KCNQ1OT1: variants seen among roughly 807,000 people sequenced by gnomAD.
The protein encoded by KCNQ1OT1 is KCNQ1 antisense RNA 2 (non-protein coding).
rs981929968 is a variant in KCNQ1OT1 at position 2,661,092 on chromosome 11, A to G, written n.38903T>C. The G allele has an allele frequency of 7.5e-6, 3 of 398,462 alleles. No homozygotes were observed. Among genetic ancestry groups the G allele is most frequent in the African/African-American group, 6.2e-5 (3 of 48,610 alleles). The allele number at this position is 398,462 out of a possible 1,614,324, so 24.7% of individuals were successfully genotyped here. A position where few individuals can be genotyped will look rare whatever the true frequency, so the allele number is the denominator to read the frequency against. Reference sequence around the variant, plus strand: ...CACAGTGACATCCCATGTGCATAAAAGCAACTCCCACCTGGCATCTGCTGC... The same window carrying G: ...CACAGTGACATCCCATGTGCATAAAGGCAACTCCCACCTGGCATCTGCTGC... On this transcript the variant is annotated non_coding_transcript_exon_variant, in exon 1 of 1. Transcript: ENST00000597346. This position sits in a 1 kb window ranked among gnomAD's most constrained non-coding sequence, Gnocchi z 5.9.
Position 2,661,139 on chromosome 11 carries a change from G to A in KCNQ1OT1, n.38856C>T. 1 of 398,600 alleles carries A rather than the reference G, an allele frequency of 2.5e-6. No individual in the cohort carries two copies. 24.7% of individuals were successfully genotyped at this position (398,600 alleles called of 1,614,324 possible). ...CTGCTCGGATGAGCAGAGAGGGTGG[G>A]CTAGGGATCTAGTTGGCAGTTAACA... On this transcript the variant is annotated non_coding_transcript_exon_variant, in exon 1 of 1. Transcript: ENST00000597346. This position sits in a 1 kb window ranked among gnomAD's most constrained non-coding sequence, Gnocchi z 5.9.
Position 2,668,687 on chromosome 11 carries a change from T to G in KCNQ1OT1, n.31308A>C, listed in dbSNP as rs552318142. 265 of 398,522 alleles carry G rather than the reference T, an allele frequency of 6.6e-4. 1 individual carries two copies. Among genetic ancestry groups the G allele is most frequent in the South Asian group, 4.2e-3 (33 of 7,858 alleles). The allele number at this position is 398,522 out of a possible 1,614,324, so 24.7% of individuals were successfully genotyped here. On this transcript the variant is annotated non_coding_transcript_exon_variant, in exon 1 of 1. Coordinates refer to ENST00000597346, the Ensembl canonical transcript of KCNQ1OT1. This position sits in a 1 kb window ranked among gnomAD's most constrained non-coding sequence, Gnocchi z 4.3. ...TGGAGTCATTTGTCAGAGAGAGAGATACACACACTCACACTCTCTCACAGA... is the reference window on the plus strand; with the variant it reads ...TGGAGTCATTTGTCAGAGAGAGAGAGACACACACTCACACTCTCTCACAGA...
exon 1 of KCNQ1OT1, chr11:2,630,720 C>A (rs888724016): frequency 2.5e-6 from 1 of 398,372 alleles, no homozygotes; most frequent in Non-Finnish European, 4.4e-6. Context: ...ATCATCCTTC[C>A]ATTTAAGCCT....
Position 2,611,352 on chromosome 11 carries a change from T to A in KCNQ1OT1, n.88643A>T. On this transcript the variant is annotated non_coding_transcript_exon_variant, in exon 1 of 1. Transcript: ENST00000597346. The surrounding 1 kb of genome is among the most constrained non-coding windows in gnomAD (Gnocchi z 5.3). ...CTCTTGCCTCAGCATCCCAAGTAGC[T>A]GGGACTACAGGCATTTGCCACCATA... 2.5e-6 allele frequency: 1 copy of A among 397,550 alleles called. No individual in the cohort carries two copies. Among genetic ancestry groups the A allele is most frequent in the Non-Finnish European group, 4.4e-6 (1 of 225,948 alleles). The allele number at this position is 397,550 out of a possible 1,614,324, so 24.6% of individuals were successfully genotyped here. A position where few individuals can be genotyped will look rare whatever the true frequency, so the allele number is the denominator to read the frequency against.
rs1850569566 is a variant in KCNQ1OT1, at chr11:2,690,441, G to A, written n.9554C>T. ...GGCTGGGGTCCTGGGAGCTAGAGCT[G>A]GGTTAAGATAAGAGCAGAGACTGGG... On this transcript the variant is annotated non_coding_transcript_exon_variant, in exon 1 of 1. Coordinates refer to ENST00000597346, the Ensembl canonical transcript of KCNQ1OT1. The surrounding 1 kb of genome is among the most constrained non-coding windows in gnomAD (Gnocchi z 5.1). 1 of 398,534 alleles carries A rather than the reference G, an allele frequency of 2.5e-6. No individual in the cohort carries two copies. Among genetic ancestry groups the A allele is most frequent in the Admixed American group, 4.4e-5 (1 of 22,722 alleles). The allele number at this position is 398,534 out of a possible 1,614,324, so 24.7% of individuals were successfully genotyped here.
chr11:2,696,788 A>G, exon 1 of KCNQ1OT1: 2 of 398,508 alleles, frequency 5.0e-6, no homozygotes, highest in Non-Finnish European at 4.4e-6. Context: ...TAATTCCTAG[A>G]CTGGTATAAA....
At chr11:2,631,388 T>G (rs1362194824) in exon 1 of KCNQ1OT1, 1 of 398,592 alleles carries the variant, frequency 2.5e-6, no homozygotes, top group Non-Finnish European at 4.4e-6. Flanking sequence ...ATTTCACTTT[T>G]CATTTCATGC....
Position 2,620,211 on chromosome 11 carries a change from A to ATATTTTTTTTTTTTTTTT in KCNQ1OT1, n.79783_79784insAAAAAAAAAAAAAAAATA, listed in dbSNP as rs1383035176. On this transcript the variant is annotated non_coding_transcript_exon_variant, in exon 1 of 1. Transcript: ENST00000597346. The surrounding 1 kb of genome is among the most constrained non-coding windows in gnomAD (Gnocchi z 4.5). The stretch of plus-strand genomic sequence containing the variant: ...TAAGTTCATTCATGTATATATATAT[A>ATATTTTTTTTTTTTTTTT]TTTTTTTTTTTTATTTTTTTTTTAG... 1 of 252,758 alleles carries ATATTTTTTTTTTTTTTTT rather than the reference A, an allele frequency of 4.0e-6. No homozygotes were observed. Among genetic ancestry groups the ATATTTTTTTTTTTTTTTT allele is most frequent in the African/African-American group, 2.6e-5 (1 of 37,830 alleles). 15.7% of individuals were successfully genotyped at this position (252,758 alleles called of 1,614,324 possible). A position where few individuals can be genotyped will look rare whatever the true frequency, so the allele number is the denominator to read the frequency against.
exon 1 of KCNQ1OT1, chr11:2,640,342 C>T: frequency 2.5e-6 from 1 of 398,594 alleles, no homozygotes; most frequent in South Asian, 1.3e-4. Flanking sequence ...ATTCGGCCAT[C>T]TTGGAACCAC....
In KCNQ1OT1 at chr11:2,646,309, T is replaced by C. The variant is rs1196646050; in HGVS notation, n.53686A>G. On this transcript the variant is annotated non_coding_transcript_exon_variant, in exon 1 of 1. Transcript: ENST00000597346. The stretch of plus-strand genomic sequence containing the variant: ...ATATTGCTATAGGTAAATATGATCA[T>C]TTTAACATTTTTCTTTCAATCCATG... The C allele has an allele frequency of 6.9e-4, 275 of 398,504 alleles. 1 individual carries two copies. Among genetic ancestry groups the C allele is most frequent in the Non-Finnish European group, 3.5e-5 (8 of 226,082 alleles). 24.7% of individuals were successfully genotyped at this position (398,504 alleles called of 1,614,324 possible).
chr11:2,638,715 T>G (rs1393276510), exon 1 of KCNQ1OT1: 2 of 152,186 alleles, frequency 1.3e-5, no homozygotes, highest in African/African-American at 4.8e-5. Flanking sequence ...AATTTGAATG[T>G]TGGCCTGCCT....
chr11:2,641,559 G>T (rs1311571523), exon 1 of KCNQ1OT1: 6 of 398,338 alleles, frequency 1.5e-5, no homozygotes, highest in Admixed American at 4.4e-5. Flanking sequence ...TGAGTAGTTT[G>T]CAAATATTTT....
exon 1 of KCNQ1OT1, chr11:2,688,067 T>C: frequency 2.5e-6 from 1 of 398,942 alleles, no homozygotes; most frequent in Non-Finnish European, 4.4e-6. Flanking sequence ...ATGGAGTTGG[T>C]GCTTCTAGGG....
chr11:2,679,799 G>A lies in KCNQ1OT1; in HGVS notation n.20196C>T, dbSNP rs1216337739. 1 of 398,518 alleles carries A rather than the reference G, an allele frequency of 2.5e-6. No homozygotes were observed. Among genetic ancestry groups the A allele is most frequent in the Non-Finnish European group, 4.4e-6 (1 of 226,076 alleles). The allele number at this position is 398,518 out of a possible 1,614,324, so 24.7% of individuals were successfully genotyped here. A position where few individuals can be genotyped will look rare whatever the true frequency, so the allele number is the denominator to read the frequency against. ...GGCCTGTTAGGCCAGTTGAGGGCTA[G>A]AGGAGCACAAGGGGCCAGACTGCTG... On this transcript the variant is annotated non_coding_transcript_exon_variant, in exon 1 of 1. Transcript: ENST00000597346. This position sits in a 1 kb window ranked among gnomAD's most constrained non-coding sequence, Gnocchi z 4.8.
exon 1 of KCNQ1OT1, chr11:2,641,926 A>G (rs748665401): frequency 2.5e-6 from 1 of 398,478 alleles, no homozygotes; most frequent in Non-Finnish European, 4.4e-6. Flanking sequence ...ATCTTTGTCA[A>G]AAATCAGTTG....
In KCNQ1OT1 at chr11:2,663,084, G is replaced by A. The variant is rs1256123445; in HGVS notation, n.36911C>T. ...GGCAGGGTTGGGTAGCCAGAATGAG[G>A]CCACCTCCAGGGAAGGAGTGGCTAT... On this transcript the variant is annotated non_coding_transcript_exon_variant, in exon 1 of 1. Coordinates refer to ENST00000597346, the Ensembl canonical transcript of KCNQ1OT1. The surrounding 1 kb of genome is among the most constrained non-coding windows in gnomAD (Gnocchi z 5.2). The A allele has an allele frequency of 7.5e-6, 3 of 398,716 alleles. No individual in the cohort carries two copies. The highest frequency in any genetic ancestry group is 7.1e-5 in the East Asian group (2 of 28,068). The allele number at this position is 398,716 out of a possible 1,614,324, so 24.7% of individuals were successfully genotyped here.
chr11:2,671,868 TG>T lies in KCNQ1OT1; in HGVS notation n.28126del, dbSNP rs1850188999. The stretch of plus-strand genomic sequence containing the variant: ...CCTTCTGCCCCAGGGAGCCAAGCCC[TG>T]GAGAGGAGGTGGGCAGCACCAGGCA... On this transcript the variant is annotated non_coding_transcript_exon_variant, in exon 1 of 1. Coordinates refer to ENST00000597346, the Ensembl canonical transcript of KCNQ1OT1. This position sits in a 1 kb window ranked among gnomAD's most constrained non-coding sequence, Gnocchi z 4.7. 8 of 398,688 alleles carry T rather than the reference TG, an allele frequency of 2.0e-5. No homozygotes were observed. In the South Asian group the frequency reaches 1.0e-3, roughly 51 times the overall value. 24.7% of individuals were successfully genotyped at this position (398,688 alleles called of 1,614,324 possible). A position where few individuals can be genotyped will look rare whatever the true frequency, so the allele number is the denominator to read the frequency against.
exon 1 of KCNQ1OT1, chr11:2,616,611 T>G (rs566073831): frequency 5.0e-6 from 2 of 398,146 alleles, no homozygotes; most frequent in Admixed American, 8.8e-5. Flanking sequence ...TTGAAAGTAT[T>G]TTATAATTTC....
Position 2,623,217 on chromosome 11 carries a change from C to A in KCNQ1OT1, n.76778G>T. 2.5e-6 allele frequency: 1 copy of A among 398,730 alleles called. No homozygotes were observed. Among genetic ancestry groups the A allele is most frequent in the Non-Finnish European group, 4.4e-6 (1 of 226,168 alleles). 24.7% of individuals were successfully genotyped at this position (398,730 alleles called of 1,614,324 possible). ...ATGATTTTAAGTTTCTGAGGCCTGC[C>A]AGCCATGCTTACTGTACAGCCTACA... On this transcript the variant is annotated non_coding_transcript_exon_variant, in exon 1 of 1. Transcript: ENST00000597346. This position sits in a 1 kb window ranked among gnomAD's most constrained non-coding sequence, Gnocchi z 5.2.
Sources: allele counts gnomAD v4.1 joint callset, GRCh38; gene constraint gnomAD v4.1.1; non-coding constraint Gnocchi (gnomAD v3.1); transcripts MANE v1.5; gene names NCBI Gene and HGNC (gene_info 2026-07-23, HGNC 2026-07-21).